TBC1D30: variants seen among roughly 807,000 people sequenced by gnomAD.
TBC1D30 encodes TBC1 domain family, member 30.
A neutral mutation model predicts 63.2 loss-of-function variants in TBC1D30; 31 were observed. The ratio of observed to expected loss-of-function variants is 0.49; its 90% CI spans 0.37 to 0.66. The LOEUF is 0.66. TBC1D30 is among the 30% of genes least tolerant of loss of function. TBC1D30 has a pLI of 0.00. For missense variants in TBC1D30, 810 were observed against 953.6 expected (o/e 0.85, Z 1.98); for synonymous variants, 307 against 361.5 (o/e 0.85, Z 1.71).
intron 3 of TBC1D30, among the ~76,000 whole-genome samples, chr12:64,829,584 A>C (rs1291223811): frequency 6.6e-6 from 1 of 152,112 alleles, no homozygotes; most frequent in Non-Finnish European, 1.5e-5. Context: ...TTAGATATCT[A>C]ATTTGAAGGT....
Position 64,843,469 on chromosome 12 carries a change from G to A in TBC1D30, c.1022G>A (p.Ser341Asn), listed in dbSNP as rs1376059212. Residue 341 changes from serine (S) to asparagine (N), a missense_variant, in exon 8 of 12, where the codon AGC becomes AAC. Coordinates refer to ENST00000539867, the MANE Select transcript of TBC1D30 (RefSeq NM_015279.2). ...QEMLENDLLQ[S>N]HELMQTVYSM... ...ATGCTAGAGAATGATCTTCTGCAAA[G>A]CCATGAACTCATGCAGGTGAGTCGG... 10 of 1,536,126 alleles carry A rather than the reference G, an allele frequency of 6.5e-6. No individual in the cohort carries two copies. The East Asian group carries it at 2.2e-4, about 34-fold the overall frequency.
In TBC1D30 at chr12:64,830,441, G is replaced by T. The variant is rs1385847876; in HGVS notation, c.347G>T (p.Arg116Leu). 6.5e-7 allele frequency: 1 copy of T among 1,535,394 alleles called. No homozygotes were observed. Among genetic ancestry groups the T allele is most frequent in the East Asian group, 2.4e-5 (1 of 40,886 alleles). ...GCCATTGACTGGGACAAAACCATGC[G>T]CTTCACTTTCAATGAAAGGAGTAAT... is the stretch of plus-strand genomic sequence containing the variant. The part of the protein sequence containing the change: ...SIAIDWDKTM[R>L]FTFNERSNPD... Residue 116 changes from arginine (R) to leucine (L), a missense_variant, in exon 4 of 12, where the codon CGC (arginine) becomes CTC (leucine). By Grantham distance (102) the Arg-to-Leu change is moderately radical. This residue lies in a region of TBC1D30 where 272 missense variants were observed against 335.9 expected (regional missense o/e 0.81). Transcript: ENST00000539867.
chr12:64,793,324 CAG>C (rs1872047445), intron 2 of TBC1D30, among the ~76,000 whole-genome samples: 2 of 151,446 alleles, frequency 1.3e-5, no homozygotes, highest in Non-Finnish European at 1.5e-5. Flanking sequence ...ACCTGGGTGA[CAG>C]AGTGAGATAC....
At chr12:64,874,862 A>G in intron 11 of TBC1D30, 139 bp from the exon 12 acceptor site, 3 of 756,464 alleles carry the variant, frequency 4.0e-6, no homozygotes, top group Admixed American at 2.9e-5. Context: ...CTTCAGTCAC[A>G]TGACTCTGCC....
chr12:64,815,142 G>C (rs1179828984), intron 2 of TBC1D30, among the ~76,000 whole-genome samples: 1 of 152,130 alleles, frequency 6.6e-6, no homozygotes, highest in African/African-American at 2.4e-5. Flanking sequence ...TTTATCTCTA[G>C]AACATAGTAA....
At chr12:64,838,645 C>T in intron 6 of TBC1D30, 38 bp from the exon 7 acceptor site, 1 of 1,530,740 alleles carries the variant, frequency 6.5e-7, no homozygotes, top group Non-Finnish European at 8.7e-7. Context: ...TGCCAATCAT[C>T]AGTTCTGAAG....
chr12:64,781,110 GGGGCCGCGGGGCCGA>G (rs1372712417), exon 1 of TBC1D30: 18 of 1,004,478 alleles, frequency 1.8e-5, no homozygotes, highest in Non-Finnish European at 2.1e-5. Context: ...GCGGCGGGCG[GGGGCCGCGGGGCCGA>G]GGGCCGCCGG....
At position 64,875,401 on chromosome 12, in the gene TBC1D30, C is replaced by T. The variant is rs529016687; in HGVS notation, c.1899C>T (p.Ile633=). 168 of 1,536,170 alleles carry T rather than the reference C, an allele frequency of 1.1e-4. 3 individuals are homozygous for T. In the South Asian group the frequency reaches 1.6e-3, roughly 15 times the overall value. Residue 633 remains isoleucine, a synonymous_variant, in exon 12 of 12, where the codon ATC becomes ATT. Coordinates refer to ENST00000539867, the MANE Select transcript of TBC1D30 (RefSeq NM_015279.2). The part of the protein sequence containing the change: ...SSPEGSTRRT[I]EGQSPEPVFG... ...CTGAAGGCAGTACCAGGAGGACGAT[C>T]GAGGGGCAGTCTCCGGAGCCGGTGT...
intron 2 of TBC1D30, among the ~76,000 whole-genome samples, chr12:64,804,543 G>A (rs1432028771): frequency 6.6e-6 from 1 of 152,184 alleles, no homozygotes; most frequent in East Asian, 1.9e-4. Context: ...GGAGTGGTGA[G>A]AGAGGGCATC....
upstream of TBC1D30, among the ~76,000 whole-genome samples, chr12:64,775,682 G>C (rs924105303): frequency 1.3e-5 from 2 of 152,146 alleles, no homozygotes; most frequent in Non-Finnish European, 2.9e-5. Flanking sequence ...ATAATAGTGA[G>C]AGACTTTAAC....
chr12:64,865,171 G>A (rs1878111106), intron 9 of TBC1D30, among the ~76,000 whole-genome samples: 1 of 150,422 alleles, frequency 6.6e-6, no homozygotes, highest in African/African-American at 2.5e-5. Context: ...AATCAATGGT[G>A]AAAAGTTATA....
intron 2 of TBC1D30, among the ~76,000 whole-genome samples, chr12:64,811,641 G>C (rs1028841074): frequency 6.6e-6 from 1 of 152,152 alleles, no homozygotes. Flanking sequence ...CCATGGCATC[G>C]TATAAGATAG....
At chr12:64,817,334 C>T (rs1873603884) in intron 2 of TBC1D30, among the ~76,000 whole-genome samples, 1 of 152,208 alleles carries the variant, frequency 6.6e-6, no homozygotes, top group Non-Finnish European at 1.5e-5. Context: ...CTCACCGTAA[C>T]TCAAATATCA....
intron 11 of TBC1D30, among the ~76,000 whole-genome samples, 171 bp from the exon 12 acceptor site, chr12:64,874,830 G>A (rs892963280): frequency 3.3e-5 from 5 of 152,062 alleles, no homozygotes; most frequent in Non-Finnish European, 5.9e-5. Flanking sequence ...CAGGCTCTTC[G>A]GTTGAATTCA....
At chr12:64,781,313 G>A (rs1192024257) in intron 1 of TBC1D30, 2 of 1,085,744 alleles carry the variant, frequency 1.8e-6, no homozygotes, top group Non-Finnish European at 2.3e-6. Flanking sequence ...GCAGGGTCCC[G>A]GGGGCTTCCT....
At chr12:64,827,983 T>C (rs1258835045) in intron 2 of TBC1D30, 87 bp downstream of exon 2, 1 of 914,442 alleles carries the variant, frequency 1.1e-6, no homozygotes, top group Admixed American at 2.6e-5. Context: ...TAACGTATTC[T>C]TTGATATGAA....
chr12:64,783,126 C>T (rs117315426), intron 1 of TBC1D30, among the ~76,000 whole-genome samples: 160 of 152,308 alleles, frequency 1.1e-3, no homozygotes, highest in Non-Finnish European at 1.9e-3. Flanking sequence ...ATTGTCTCCT[C>T]TCCCTGCCAG....
chr12:64,782,404 T>C (rs573446195), intron 1 of TBC1D30, among the ~76,000 whole-genome samples: 107 of 150,508 alleles, frequency 7.1e-4, no homozygotes, highest in African/African-American at 2.3e-3. Flanking sequence ...TTTTTTTTTT[T>C]CCCCAGCTGA....
chr12:64,796,575 T>G (rs572965545), intron 2 of TBC1D30, among the ~76,000 whole-genome samples: 1 of 152,366 alleles, frequency 6.6e-6, no homozygotes, highest in South Asian at 2.1e-4. Context: ...GAACTTTTGT[T>G]GGAACTACCA....
Sources: allele counts gnomAD v4.1 joint callset (sites outside exome capture counted in the v4.1 genomes callset), GRCh38; gene constraint gnomAD v4.1.1; regional missense constraint gnomAD v4.1.1; transcripts MANE v1.5; gene names NCBI Gene and HGNC (gene_info 2026-07-23, HGNC 2026-07-21).